Variants in ZNRF1 observed in about 807,000 individuals in gnomAD.
ZNRF1 encodes zinc and ring finger 1.
ZNRF1 carries 3 observed loss-of-function variants against 18.4 expected under a neutral mutation model. The ratio of observed to expected loss-of-function variants is 0.16; its 90% CI spans 0.07 to 0.42. ZNRF1 has a LOEUF of 0.42. ZNRF1 is among the 10% of genes least tolerant of loss of function. The pLI, the probability that ZNRF1 is intolerant of heterozygous loss-of-function variation, is 0.99. For synonymous variants in ZNRF1, 157 were observed against 144.2 expected (o/e 1.09, Z -0.64); for missense variants, 310 against 329.8 (o/e 0.94, Z 0.47).
chr16:75,063,196 C>T (rs1291594756), intron 1 of ZNRF1, among the ~76,000 whole-genome samples: 1 of 152,170 alleles, frequency 6.6e-6, no homozygotes, highest in Non-Finnish European at 1.5e-5. Context: ...CCCCACATAG[C>T]CCCGCTTCCC....
intron 1 of ZNRF1, among the ~76,000 whole-genome samples, chr16:75,058,061 C>A (rs1300247114): frequency 6.6e-6 from 1 of 151,948 alleles, no homozygotes; most frequent in East Asian, 1.9e-4. Context: ...CTTTCTGGTC[C>A]TCTAAATACA....
At chr16:75,057,277 T>C (rs544440269) in intron 1 of ZNRF1, among the ~76,000 whole-genome samples, 1 of 152,340 alleles carries the variant, frequency 6.6e-6, no homozygotes, top group Non-Finnish European at 1.5e-5. Flanking sequence ...TGGAATTTAG[T>C]AAGGTTATTC....
chr16:75,038,485 G>T (rs1244779374), intron 1 of ZNRF1, among the ~76,000 whole-genome samples: 3 of 152,210 alleles, frequency 2.0e-5, no homozygotes, highest in Non-Finnish European at 4.4e-5. Context: ...ACATGATGTG[G>T]CTTTCTCCAC....
intron 1 of ZNRF1, among the ~76,000 whole-genome samples, chr16:75,020,033 CCA>C (rs2035124016): frequency 6.6e-6 from 1 of 152,018 alleles, no homozygotes; most frequent in Admixed American, 6.5e-5. Flanking sequence ...TTTAACAATT[CCA>C]GAGAGAACTA....
intron 1 of ZNRF1, among the ~76,000 whole-genome samples, chr16:75,039,923 T>C (rs1220236554): frequency 6.6e-6 from 1 of 152,228 alleles, no homozygotes; most frequent in Non-Finnish European, 1.5e-5. Context: ...TGTTACTGTT[T>C]TGAAACTGAG....
At position 75,106,472 on chromosome 16, in the gene ZNRF1, C is replaced by T. The variant is rs938630140; in HGVS notation, c.627-10C>T. 1.2e-6 allele frequency: 2 copies of T among 1,614,134 alleles called. No individual in the cohort carries two copies. The highest frequency in any genetic ancestry group is 1.7e-6 in the Non-Finnish European group (2 of 1,180,014). ...GTAACGTGGTTTCCCTTGCGGCCCCCTCCTCCCAGCTGCATAGACTCGTGG... is the reference window on the plus strand; with the variant it reads ...GTAACGTGGTTTCCCTTGCGGCCCCTTCCTCCCAGCTGCATAGACTCGTGG... On this transcript the variant is annotated splice_polypyrimidine_tract_variant and intron_variant, in intron 3 of 4. Coordinates refer to ENST00000335325, the MANE Select transcript of ZNRF1 (RefSeq NM_032268.5).
At chr16:75,016,734 G>A (rs2035077178) in intron 1 of ZNRF1, among the ~76,000 whole-genome samples, 1 of 118,088 alleles carries the variant, frequency 8.5e-6, no homozygotes, top group Admixed American at 9.6e-5. Flanking sequence ...GAGTAGAGAT[G>A]GGGTTTCACC....
At chr16:75,071,918 C>A in intron 1 of ZNRF1, among the ~76,000 whole-genome samples, 1 of 152,062 alleles carries the variant, frequency 6.6e-6, no homozygotes, top group East Asian at 1.9e-4. Flanking sequence ...TAGGGTACCC[C>A]TTGTCTGCCT....
At chr16:75,053,638 A>G (rs1285266268) in intron 1 of ZNRF1, among the ~76,000 whole-genome samples, 1 of 151,622 alleles carries the variant, frequency 6.6e-6, no homozygotes, top group Non-Finnish European at 1.5e-5. Context: ...GGCTGTCACT[A>G]TCAGGGGCTA....
chr16:75,006,777 C>G (rs959778566), intron 1 of ZNRF1, among the ~76,000 whole-genome samples: 4 of 152,126 alleles, frequency 2.6e-5, no homozygotes, highest in African/African-American at 4.8e-5. Context: ...AAATTTCAGT[C>G]TGTTTCTTTT....
chr16:75,025,569 A>T (rs970812214), intron 1 of ZNRF1, among the ~76,000 whole-genome samples: 4 of 152,144 alleles, frequency 2.6e-5, no homozygotes, highest in Non-Finnish European at 2.9e-5. Context: ...ACCACAGGAA[A>T]GATCGTATAG....
intron 1 of ZNRF1, among the ~76,000 whole-genome samples, chr16:75,082,828 C>A (rs12931258): frequency 0.99 from 151,202 of 152,350 alleles, 75,042 homozygotes; most frequent in East Asian, 1. Flanking sequence ...TGCTGGGATT[C>A]GAGGCATGAG....
intron 2 of ZNRF1, among the ~76,000 whole-genome samples, chr16:75,095,430 T>C (rs1404708102): frequency 6.6e-6 from 1 of 152,022 alleles, no homozygotes; most frequent in Non-Finnish European, 1.5e-5. Flanking sequence ...CCGTCTCCGC[T>C]TGGGACCAGG....
At chr16:75,023,567 C>G (rs955414616) in intron 1 of ZNRF1, among the ~76,000 whole-genome samples, 2 of 152,076 alleles carry the variant, frequency 1.3e-5, no homozygotes, top group Non-Finnish European at 2.9e-5. Flanking sequence ...ACCTGTAATC[C>G]CAGCTACTCG....
intron 1 of ZNRF1, among the ~76,000 whole-genome samples, chr16:75,083,977 A>T (rs1431992644): frequency 6.6e-6 from 1 of 152,182 alleles, no homozygotes; most frequent in Non-Finnish European, 1.5e-5. Flanking sequence ...CGGCACATTG[A>T]TTTCTTCCCC....
At chr16:75,101,048 C>G (rs564058053) in intron 2 of ZNRF1, among the ~76,000 whole-genome samples, 5 of 152,298 alleles carry the variant, frequency 3.3e-5, no homozygotes, top group African/African-American at 9.6e-5. Context: ...ATTCTCCTGC[C>G]TCAGCCTCCC....
chr16:75,063,051 CT>C (rs954644180), intron 1 of ZNRF1, among the ~76,000 whole-genome samples: 7 of 152,158 alleles, frequency 4.6e-5, no homozygotes, highest in Admixed American at 4.6e-4. Flanking sequence ...TTTTCAGAGG[CT>C]TTATAATGGG....
At chr16:75,033,363 C>T (rs2145352698) in intron 1 of ZNRF1, among the ~76,000 whole-genome samples, 1 of 150,312 alleles carries the variant, frequency 6.7e-6, no homozygotes, top group African/African-American at 2.4e-5. Context: ...AATATTGCAA[C>T]TTCCAATTCA....
Position 75,110,085 on chromosome 16 carries a change from A to C in ZNRF1, c.*2385A>C, listed in dbSNP as rs1001717501. The C allele has an allele frequency of 6.6e-6, 1 of 152,312 alleles. No individual in the cohort carries two copies. Among genetic ancestry groups the C allele is most frequent in the African/African-American group, 2.4e-5 (1 of 41,478 alleles). 9.4% of individuals were successfully genotyped at this position (152,312 alleles called of 1,614,324 possible). On this transcript the variant is annotated 3_prime_UTR_variant, in exon 5 of 5. Transcript: ENST00000335325. ...TGTGAGGTGGGTGGGGCAGGGCTGT[A>C]GCCCACGCCGGGTGCTATTCCAGGC...
Sources: allele counts gnomAD v4.1 joint callset (sites outside exome capture counted in the v4.1 genomes callset), GRCh38; gene constraint gnomAD v4.1.1; transcripts MANE v1.5; gene names NCBI Gene and HGNC (gene_info 2026-07-23, HGNC 2026-07-21).